The following FIBCD1 variants were observed in gnomAD, a reference collection of about 807,000 sequenced individuals.
The protein encoded by FIBCD1 is fibrinogen C domain containing 1.
A neutral mutation model predicts 45.1 loss-of-function variants in FIBCD1; 47 were observed. The ratio of observed to expected loss-of-function variants is 1.04; its 90% confidence interval spans 0.82 to 1.33. The LOEUF is 1.33. Ranked by LOEUF, FIBCD1 falls within the 40% of genes most tolerant of loss-of-function variation. The pLI, the probability that FIBCD1 is intolerant of heterozygous loss-of-function variation, is 0.00. For missense variants in FIBCD1, 653 were observed against 682.2 expected (o/e 0.96, Z 0.48); for synonymous variants, 313 against 308.1 (o/e 1.02, Z -0.17).
intron 5 of FIBCD1, among the ~76,000 whole-genome samples, chr9:130,911,137 C>T (rs1309357539): frequency 1.3e-5 from 2 of 152,216 alleles, no homozygotes; most frequent in African/African-American, 4.8e-5. Flanking sequence ...TGGGTCCACG[C>T]TGCTTTTATG....
rs1459369854 is a variant in FIBCD1, at chr9:130,929,710, G to A, written c.409C>T (p.Leu137=). 6.2e-7 allele frequency: 1 copy of A among 1,600,560 alleles called. No individual in the cohort carries two copies. Among genetic ancestry groups the A allele is most frequent in the South Asian group, 1.1e-5 (1 of 89,004 alleles). Residue 137 remains leucine (L), a synonymous_variant, in exon 2 of 7, where the codon CTG becomes TTG. Coordinates refer to ENST00000372338, the MANE Select transcript of FIBCD1 (RefSeq NM_032843.5). ...RLVGDQEQEL[L]DTLADQLPRL... ...GGCAGCTGGTCGGCCAGCGTGTCCAGCAGCTCCTGCTCCTGGTCGCCCACC... is the reference window on the plus strand; with the variant it reads ...GGCAGCTGGTCGGCCAGCGTGTCCAACAGCTCCTGCTCCTGGTCGCCCACC...
intron 4 of FIBCD1, among the ~76,000 whole-genome samples, chr9:130,914,953 G>A (rs778403766): frequency 1.3e-5 from 2 of 152,244 alleles, no homozygotes; most frequent in Non-Finnish European, 2.9e-5. Flanking sequence ...ACCCTTACAG[G>A]GCCGAAGCTC....
At position 130,904,237 on chromosome 9, in the gene FIBCD1, A is replaced by G; in HGVS notation, c.1213T>C (p.Tyr405His). Residue 405 changes from tyrosine (Y) to histidine (H), a missense_variant, in exon 7 of 7, where the codon TAC becomes CAC. Tyr to His is a moderately conservative substitution (Grantham distance 83). Transcript: ENST00000372338. ...TTGCGGTACCACCAGGCACCGCGGT[A>G]GAAGGCGGCACAGTTGTTCTCTGAA... ...DHSENNCAAF[Y>H]RGAWWYRNCH... The G allele has an allele frequency of 6.2e-7, 1 of 1,613,710 alleles. No individual in the cohort carries two copies. The highest frequency in any genetic ancestry group is 8.5e-7 in the Non-Finnish European group (1 of 1,179,990).
rs970046485 is a variant in FIBCD1, at chr9:130,939,149, C to T, written c.-542G>A. ...GCGGGCGGCCCGGCTCCTGCTGGCT[C>T]CCGGAGGGGCCTGAGAGCCCCCCGG... On this transcript the variant is annotated 5_prime_UTR_variant, in exon 1 of 7. Transcript: ENST00000372338. 1 of 151,934 alleles carries T rather than the reference C, an allele frequency of 6.6e-6. No homozygotes were observed. 9.4% of individuals were successfully genotyped at this position (151,934 alleles called of 1,614,324 possible). A position where few individuals can be genotyped will look rare whatever the true frequency, so the allele number is the denominator to read the frequency against.
chr9:130,915,957 G>C (rs140110089), intron 4 of FIBCD1, among the ~76,000 whole-genome samples: 2 of 96,540 alleles, frequency 2.1e-5, no homozygotes, highest in African/African-American at 6.5e-5. Flanking sequence ...TTTTGACACA[G>C]AGTGTTACTC....
Position 130,903,781 on chromosome 9 carries a change from G to T in FIBCD1, c.*283C>A. The T allele has an allele frequency of 1.8e-6, 1 of 543,534 alleles. No individual in the cohort carries two copies. The allele number at this position is 543,534 out of a possible 1,614,324, so 33.7% of individuals were successfully genotyped here. On this transcript the variant is annotated 3_prime_UTR_variant, in exon 7 of 7. Coordinates refer to ENST00000372338, the MANE Select transcript of FIBCD1 (RefSeq NM_032843.5). The stretch of plus-strand genomic sequence containing the variant: ...CCAGGGGACGGCAAACAGCACCGGA[G>T]TCACAGTGGGGGCAGGCAGGAGTTG...
chr9:130,921,746 C>T (rs780685565), intron 4 of FIBCD1, among the ~76,000 whole-genome samples: 5 of 152,238 alleles, frequency 3.3e-5, no homozygotes, highest in African/African-American at 4.8e-5. Flanking sequence ...CACTGTTCCG[C>T]CCGCCAAGGG....
At chr9:130,915,468 C>T (rs1000392988) in intron 4 of FIBCD1, among the ~76,000 whole-genome samples, 3 of 152,108 alleles carry the variant, frequency 2.0e-5, no homozygotes, top group East Asian at 3.9e-4. Flanking sequence ...TTTGGGAGGC[C>T]GAGGCAGGCA....
intron 1 of FIBCD1, chr9:130,936,275 C>T (rs1832518927): frequency 6.6e-6 from 1 of 152,368 alleles, no homozygotes; most frequent in African/African-American, 2.4e-5. Flanking sequence ...AGAAGGCTGG[C>T]CCAGGAGAGG....
rs932778592 is a variant in FIBCD1, at chr9:130,926,228, A to C, written c.553-1832T>G. ...TGGTACTGCCCATTTATCTGAGTCA[A>C]CACGGCCACAACGCACTAAAAAAAA... On this transcript the variant is annotated intron_variant, in intron 2 of 6. Coordinates refer to ENST00000372338, the MANE Select transcript of FIBCD1 (RefSeq NM_032843.5). This position sits in a 1 kb window ranked among gnomAD's most constrained non-coding sequence, Gnocchi z 4.1. Among the ~76,000 whole-genome samples, 8 of 152,216 alleles carry C rather than the reference A, an allele frequency of 5.3e-5. No individual in the cohort carries two copies. The highest frequency in any genetic ancestry group is 1.0e-4 in the Non-Finnish European group (7 of 68,044).
At chr9:130,925,617 C>A (rs181990992) in intron 2 of FIBCD1, among the ~76,000 whole-genome samples, 2 of 152,166 alleles carry the variant, frequency 1.3e-5, no homozygotes, top group African/African-American at 2.4e-5. Flanking sequence ...ATCCTTCACC[C>A]CCGCCCCTCC....
intron 4 of FIBCD1, among the ~76,000 whole-genome samples, chr9:130,918,547 G>A (rs116887468): frequency 0.026 from 3,941 of 152,328 alleles, 105 homozygotes; most frequent in East Asian, 0.14. Flanking sequence ...CAGCCTCCCG[G>A]GCTTTCTGAT....
At chr9:130,930,563 C>A (rs1208376767) in intron 1 of FIBCD1, among the ~76,000 whole-genome samples, 1 of 152,104 alleles carries the variant, frequency 6.6e-6, no homozygotes, top group African/African-American at 2.4e-5. Flanking sequence ...TTCCCTCTCG[C>A]TGCCCCTGCC....
intron 4 of FIBCD1, among the ~76,000 whole-genome samples, chr9:130,912,392 CA>C (rs61490832): frequency 0.017 from 1,308 of 75,664 alleles, 4 homozygotes; most frequent in Middle Eastern, 0.025. Context: ...GGCTCTCTCT[CA>C]AAAAAAAAAA....
At position 130,924,321 on chromosome 9, in the gene FIBCD1, C is replaced by T. The variant is rs1235653700; in HGVS notation, c.628G>A (p.Asp210Asn). 1 of 1,607,240 alleles carries T rather than the reference C, an allele frequency of 6.2e-7. No homozygotes were observed. The highest frequency in any genetic ancestry group is 1.3e-5 in the African/African-American group (1 of 75,028). ...VSDILDALQR[D>N]RGLGRPRNKA... is the part of the protein sequence containing the mutation. ...TTGCGGGGCCGGCCCAGCCCCCGGTCCCTCTGCAGGGCATCCAGGATGTCG... is the reference window on the plus strand; with the variant it reads ...TTGCGGGGCCGGCCCAGCCCCCGGTTCCTCTGCAGGGCATCCAGGATGTCG... The change falls in exon 3 of 7, where the codon GAC becomes AAC. Residue 210 changes from aspartate (D) to asparagine (N), a missense_variant. Asp to Asn is a conservative substitution (Grantham distance 23, BLOSUM62 1). Transcript: ENST00000372338.
intron 4 of FIBCD1, 126 bp from the exon 5 acceptor site, chr9:130,912,014 G>C (rs564014410): frequency 1.2e-6 from 1 of 810,128 alleles, no homozygotes; most frequent in Non-Finnish European, 1.9e-6. Context: ...GGAGGGCAGG[G>C]GCCTGGTTGC....
At chr9:130,930,569 C>T (rs948021911) in intron 1 of FIBCD1, among the ~76,000 whole-genome samples, 1 of 152,144 alleles carries the variant, frequency 6.6e-6, no homozygotes, top group Non-Finnish European at 1.5e-5. Context: ...CTCGCTGCCC[C>T]TGCCACCCAC....
intron 4 of FIBCD1, among the ~76,000 whole-genome samples, chr9:130,919,405 G>A (rs1287395759): frequency 6.6e-6 from 1 of 152,202 alleles, no homozygotes; most frequent in Non-Finnish European, 1.5e-5. Context: ...GGGACAAGGA[G>A]GGCCGGCCGC....
At chr9:130,908,867 A>C (rs973485117) in intron 5 of FIBCD1, among the ~76,000 whole-genome samples, 3 of 152,064 alleles carry the variant, frequency 2.0e-5, no homozygotes, top group African/African-American at 7.2e-5. Context: ...AGGAGGGGGC[A>C]TGGGTGGCAG....
Sources: allele counts gnomAD v4.1 joint callset (sites outside exome capture counted in the v4.1 genomes callset), GRCh38; gene constraint gnomAD v4.1.1; non-coding constraint Gnocchi (gnomAD v3.1); transcripts MANE v1.5; gene names NCBI Gene and HGNC (gene_info 2026-07-23, HGNC 2026-07-21).